PCDHGB3: variants seen among roughly 807,000 people sequenced by gnomAD.
PCDHGB3 encodes protocadherin gamma-B3.
In PCDHGB3, 40 loss-of-function variants were observed where a neutral mutation model predicts 59.2. The ratio of observed to expected loss-of-function variants is 0.68; its 90% CI spans 0.52 to 0.88. The LOEUF is 0.88. PCDHGB3 is among the 40% of genes least tolerant of loss of function. PCDHGB3 has a pLI of 0.00. For synonymous variants in PCDHGB3, 581 were observed against 503.6 expected (o/e 1.15, Z -2.06); for missense variants, 1,309 against 1,187.9 (o/e 1.10, Z -1.50).
chr5:141,504,755 T>A (rs953075905), intron 2 of PCDHGB3, among the ~76,000 whole-genome samples: 13 of 151,824 alleles, frequency 8.6e-5, no homozygotes, highest in Non-Finnish European at 1.5e-5. Flanking sequence ...ATTTTAGAAA[T>A]TTCTTCTCCC....
chr5:141,405,394 CTT>C lies in PCDHGB3; in HGVS notation c.2415+32587_2415+32588del, dbSNP rs1561700295. 3.8e-6 allele frequency: 6 copies of C among 1,593,014 alleles called. No individual in the cohort carries two copies. In the Admixed American group the frequency reaches 7.1e-5, roughly 19 times the overall value. On this transcript the variant is annotated intron_variant, in intron 1 of 3. Transcript: ENST00000576222. ...TGGTTCCGGTGAGTTCATTTTTTTT[CTT>C]TCTTTCTTTTCTTTTTTTGTTTTTT...
Position 141,371,020 on chromosome 5 carries a change from A to T in PCDHGB3, c.626A>T (p.His209Leu). The T allele has an allele frequency of 6.2e-7, 1 of 1,613,970 alleles. No individual in the cohort carries two copies. Among genetic ancestry groups the T allele is most frequent in the Non-Finnish European group, 8.5e-7 (1 of 1,179,900 alleles). The change falls in exon 1 of 4, where the codon CAC becomes CTC. Residue 209 changes from histidine (H) to leucine (L), a missense_variant. Transcript: ENST00000576222. Reference protein sequence around the residue: ...PLDREEQPHHHLVLTAVDGGE... With the variant: ...PLDREEQPHHLLVLTAVDGGE... ...GACAGGGAAGAGCAGCCACATCACC[A>T]CCTGGTCCTCACAGCTGTGGATGGG...
Position 141,414,954 on chromosome 5 carries a change from C to T in PCDHGB3, c.2415+42145C>T, listed in dbSNP as rs759955017. ...CCGCAGAGCCCGGCTACCTGGTGAC[C>T]AAGGTGGTGGCGGTGGACAGAGACT... On this transcript the variant is annotated intron_variant, in intron 1 of 3. Coordinates refer to ENST00000576222, the MANE Select transcript of PCDHGB3 (RefSeq NM_018924.5). 10 of 1,614,058 alleles carry T rather than the reference C, an allele frequency of 6.2e-6. No individual in the cohort carries two copies. The Admixed American group carries it at 1.7e-4, about 27-fold the overall frequency.
In PCDHGB3 at chr5:141,491,198, A is replaced by T. The variant is rs1344758185; in HGVS notation, c.2416-3609A>T. ...GTGGTCCTGGTGAGGGACAATGGTG[A>T]CCCTTCACTCTCCTCCACAGCCACA... On this transcript the variant is annotated intron_variant, in intron 1 of 3. Coordinates refer to ENST00000576222, the MANE Select transcript of PCDHGB3 (RefSeq NM_018924.5). This position sits in a 1 kb window ranked among gnomAD's most constrained non-coding sequence, Gnocchi z 6.9. 1.2e-6 allele frequency: 2 copies of T among 1,613,912 alleles called. No individual in the cohort carries two copies. The highest frequency in any genetic ancestry group is 1.3e-5 in the African/African-American group (1 of 74,866).
At chr5:141,433,225 GCT>G in intron 1 of PCDHGB3, 1 of 1,517,048 alleles carries the variant, frequency 6.6e-7, no homozygotes, top group African/African-American at 1.4e-5. Context: ...TTTTTTAATT[GCT>G]CTGTCTCCCA....
intron 1 of PCDHGB3, chr5:141,389,763 G>C: frequency 6.2e-7 from 1 of 1,612,978 alleles, no homozygotes; most frequent in African/African-American, 1.3e-5. Context: ...AGTGCGCACA[G>C]CGCGTGCCTT....
At chr5:141,389,969 C>CTTGA (rs746625491) in intron 1 of PCDHGB3, 8 of 1,613,924 alleles carry the variant, frequency 5.0e-6, no homozygotes, top group Non-Finnish European at 6.8e-6. Flanking sequence ...TGGCCTTGGC[C>CTTGA]TTGATCTCAG....
At chr5:141,414,414 C>T (rs376404716) in intron 1 of PCDHGB3, 4 of 1,613,830 alleles carry the variant, frequency 2.5e-6, no homozygotes, top group South Asian at 1.1e-5. Context: ...TACACAGAGC[C>T]CTTGACAGGG....
In PCDHGB3 at chr5:141,371,657, G is replaced by T; in HGVS notation, c.1263G>T (p.Thr421=). The change falls in exon 1 of 4, where the codon ACG becomes ACT. Residue 421 remains threonine, a synonymous_variant. Coordinates refer to ENST00000576222, the MANE Select transcript of PCDHGB3 (RefSeq NM_018924.5). The part of the protein sequence containing the change: ...DREQIPEYNV[T]ITATDKGNPP... ...AGCAGATCCCAGAATACAATGTGAC[G>T]ATCACAGCTACCGACAAAGGCAATC... 6.2e-7 allele frequency: 1 copy of T among 1,613,988 alleles called. No homozygotes were observed. The highest frequency in any genetic ancestry group is 8.5e-7 in the Non-Finnish European group (1 of 1,179,892).
rs1023591745 is a variant in PCDHGB3 at position 141,432,912 on chromosome 5, G to T, written c.2415+60103G>T. 2.5e-6 allele frequency: 4 copies of T among 1,614,160 alleles called. No individual in the cohort carries two copies. Among genetic ancestry groups the T allele is most frequent in the Non-Finnish European group, 3.4e-6 (4 of 1,180,012 alleles). On this transcript the variant is annotated intron_variant, in intron 1 of 3. Transcript: ENST00000576222. The surrounding 1 kb of genome is among the most constrained non-coding windows in gnomAD (Gnocchi z 6.0). Reference sequence around the variant, plus strand: ...TTGCTGCTGGCGCTCAGGCTGCGGCGCTGGCACAAGTCACGCCTGCTGCAG... The same window carrying T: ...TTGCTGCTGGCGCTCAGGCTGCGGCTCTGGCACAAGTCACGCCTGCTGCAG...
intron 1 of PCDHGB3, chr5:141,417,686 G>A (rs1300052006): frequency 8.4e-6 from 9 of 1,068,196 alleles, no homozygotes; most frequent in South Asian, 1.8e-5. Context: ...CAACAGAAAA[G>A]AAAACCAGCT....
At chr5:141,382,013 G>C (rs1000379234) in intron 1 of PCDHGB3, among the ~76,000 whole-genome samples, 1 of 151,580 alleles carries the variant, frequency 6.6e-6, no homozygotes, top group Admixed American at 6.6e-5. Flanking sequence ...ATTTTTAGTA[G>C]AGACGGGGTT....
chr5:141,478,290 A>G, intron 1 of PCDHGB3: 1 of 1,614,056 alleles, frequency 6.2e-7, no homozygotes, highest in South Asian at 1.1e-5. Flanking sequence ...CAGTCTAGAG[A>G]CCTATACCGA....
At chr5:141,484,626 C>T (rs1306600907) in intron 1 of PCDHGB3, among the ~76,000 whole-genome samples, 1 of 151,972 alleles carries the variant, frequency 6.6e-6, no homozygotes, top group African/African-American at 2.4e-5. Context: ...CTGGCTTGAA[C>T]AAAGTGACCA....
chr5:141,428,561 A>G (rs879118525), intron 1 of PCDHGB3: 16 of 238,202 alleles, frequency 6.7e-5, no homozygotes, highest in South Asian at 5.9e-4. Context: ...GTCCCCCCAC[A>G]AGATCTTTCT....
intron 1 of PCDHGB3, chr5:141,403,705 C>T: frequency 6.2e-7 from 1 of 1,613,894 alleles, no homozygotes; most frequent in Non-Finnish European, 8.5e-7. Context: ...GAGTTAAAGT[C>T]CTTGAGAACG....
intron 1 of PCDHGB3, chr5:141,415,740 GTTTTTTTTTTTTTTTTTTTTT>G: frequency 1.6e-6 from 1 of 617,990 alleles, no homozygotes; most frequent in Non-Finnish European, 2.1e-6. Context: ...GTTTATTAAG[GTTTTTTTTTTTTTTTTTTTTT>G]TTTTTTTTTT....
chr5:141,476,979 G>C lies in PCDHGB3; in HGVS notation c.2416-17828G>C. On this transcript the variant is annotated intron_variant, in intron 1 of 3. Coordinates refer to ENST00000576222, the MANE Select transcript of PCDHGB3 (RefSeq NM_018924.5). The surrounding 1 kb of genome is among the most constrained non-coding windows in gnomAD (Gnocchi z 7.6). Reference sequence around the variant, plus strand: ...ATTTACTCCTTCGGCAGCCACAACCGCGCCGGCGTGCGGCAACTATTCGCC... The same window carrying C: ...ATTTACTCCTTCGGCAGCCACAACCCCGCCGGCGTGCGGCAACTATTCGCC... 1 of 1,614,238 alleles carries C rather than the reference G, an allele frequency of 6.2e-7. No homozygotes were observed. The highest frequency in any genetic ancestry group is 1.3e-5 in the African/African-American group (1 of 75,074).
Position 141,485,117 on chromosome 5 carries a change from G to A in PCDHGB3, c.2416-9690G>A. The A allele has an allele frequency of 3.0e-6, 4 of 1,326,200 alleles. No homozygotes were observed. The highest frequency in any genetic ancestry group is 4.3e-6 in the Non-Finnish European group (4 of 933,470). 82.2% of individuals were successfully genotyped at this position (1,326,200 alleles called of 1,614,324 possible). On this transcript the variant is annotated intron_variant, in intron 1 of 3. Transcript: ENST00000576222. The surrounding 1 kb of genome is among the most constrained non-coding windows in gnomAD (Gnocchi z 5.7). ...GTCTCCAGCTGCTGTGGCTGTTTGG[G>A]GCGGGTCGGCTTCATCCGCGTCTCA...
Sources: gnomAD v4.1 joint callset for allele counts (sites outside exome capture counted in the v4.1 genomes callset) on GRCh38, gnomAD v4.1.1 for gene constraint, Gnocchi (gnomAD v3.1) non-coding constraint, MANE v1.5 for transcripts, NCBI Gene and HGNC (gene_info 2026-07-23, HGNC 2026-07-21) for gene names.